RAD51B: variants seen among roughly 807,000 people sequenced by gnomAD.
The protein encoded by RAD51B is RAD51 paralog B, also known as DNA repair protein RAD51 homolog 2.
Under a neutral mutation model 42.2 loss-of-function variants are expected in RAD51B, and 38 were observed. The ratio of observed to expected loss-of-function variants is 0.90; its 90% CI spans 0.70 to 1.18. The LOEUF (loss-of-function observed/expected upper bound fraction) is 1.18. Among genes scored for constraint, RAD51B ranks in the 50% most tolerant of loss-of-function variants. The probability of loss-of-function intolerance (pLI) is 0.00; values close to 1 mark genes in which losing one functional copy is unlikely to be tolerated. For synonymous variants in RAD51B, 154 were observed against 145.2 expected (o/e 1.06, Z -0.43); for missense variants, 373 against 400.7 (o/e 0.93, Z 0.59).
chr14:68,587,474 GC>G (rs1260331252), intron 10 of RAD51B, among the ~76,000 whole-genome samples: 1 of 152,130 alleles, frequency 6.6e-6, no homozygotes, highest in East Asian at 1.9e-4. Context: ...CACAAAGGCA[GC>G]CCCTTGCTTT....
chr14:67,929,210 C>T (rs1205127117), intron 7 of RAD51B, among the ~76,000 whole-genome samples: 1 of 151,892 alleles, frequency 6.6e-6, no homozygotes, highest in Non-Finnish European at 1.5e-5. Flanking sequence ...TTCTGTTTTT[C>T]TGATTTAGGT....
intron 10 of RAD51B, among the ~76,000 whole-genome samples, chr14:68,475,259 T>A (rs572890314): frequency 1.3e-5 from 2 of 152,292 alleles, no homozygotes; most frequent in African/African-American, 4.8e-5. Context: ...TCTGTTATCA[T>A]GAGAAAAGAA....
downstream of RAD51B, among the ~76,000 whole-genome samples, chr14:68,478,260 C>T (rs1027845361): frequency 3.9e-5 from 6 of 151,940 alleles, no homozygotes; most frequent in Non-Finnish European, 7.4e-5. Context: ...CAGATCCAGC[C>T]GAGAAGTGGA....
At chr14:68,426,012 C>T (rs1443110989) in intron 9 of RAD51B, among the ~76,000 whole-genome samples, 2 of 122,332 alleles carry the variant, frequency 1.6e-5, no homozygotes, top group East Asian at 4.4e-4. Flanking sequence ...TCCTTCCTTT[C>T]TTTCTTTCTT....
At chr14:67,868,270 C>T (rs1038409285) in intron 5 of RAD51B, among the ~76,000 whole-genome samples, 1 of 152,174 alleles carries the variant, frequency 6.6e-6, no homozygotes, top group Non-Finnish European at 1.5e-5. Flanking sequence ...TTGCCTCACT[C>T]GGGAAGCGCA....
intron 7 of RAD51B, among the ~76,000 whole-genome samples, chr14:68,029,662 G>C (rs927270915): frequency 6.6e-5 from 10 of 152,098 alleles, no homozygotes; most frequent in African/African-American, 2.4e-4. Context: ...ATGACAGCTG[G>C]AATCTTCTTC....
intron 7 of RAD51B, among the ~76,000 whole-genome samples, chr14:68,047,802 T>C (rs1022729774): frequency 6.6e-6 from 1 of 152,204 alleles, no homozygotes; most frequent in African/African-American, 2.4e-5. Context: ...ATGAAGAAAA[T>C]GCAGACAGCA....
intron 7 of RAD51B, among the ~76,000 whole-genome samples, chr14:68,137,712 C>A (rs923393528): frequency 1.3e-5 from 2 of 152,148 alleles, no homozygotes; most frequent in Non-Finnish European, 2.9e-5. Context: ...GGTGTTCATG[C>A]AATTGCTGAG....
intron 7 of RAD51B, among the ~76,000 whole-genome samples, chr14:68,122,993 A>G (rs573751728): frequency 6.6e-6 from 1 of 152,200 alleles, no homozygotes; most frequent in East Asian, 1.9e-4. Flanking sequence ...ACACACACAC[A>G]CAAATGCATA....
intron 7 of RAD51B, among the ~76,000 whole-genome samples, chr14:68,012,274 G>A (rs1053688167): frequency 2.6e-5 from 4 of 151,980 alleles, no homozygotes; most frequent in South Asian, 2.1e-4. Flanking sequence ...ATAAAGATGG[G>A]TTTATTAATT....
chr14:67,911,470 AGTT>A (rs893053872), intron 7 of RAD51B, among the ~76,000 whole-genome samples: 33 of 151,880 alleles, frequency 2.2e-4, no homozygotes, highest in African/African-American at 7.3e-4. Context: ...GACATTCTGG[AGTT>A]GTTGTTTGTT....
intron 7 of RAD51B, among the ~76,000 whole-genome samples, chr14:68,180,723 C>T (rs953755219): frequency 5.3e-5 from 8 of 152,104 alleles, no homozygotes; most frequent in Admixed American, 6.6e-5. Flanking sequence ...AGAAAGACGG[C>T]GAGCAGATGT....
At chr14:68,504,933 G>GC (rs1208039243) in intron 10 of RAD51B, among the ~76,000 whole-genome samples, 2 of 152,082 alleles carry the variant, frequency 1.3e-5, no homozygotes, top group Non-Finnish European at 2.9e-5. Flanking sequence ...AGAGGCCAGG[G>GC]CGTTTCAGCA....
chr14:68,052,796 GTT>G (rs1160215989), intron 7 of RAD51B, among the ~76,000 whole-genome samples: 1 of 141,384 alleles, frequency 7.1e-6, no homozygotes, highest in African/African-American at 2.6e-5. Context: ...ATTTTTTTGT[GTT>G]TTTTTTTTTT....
intron 7 of RAD51B, among the ~76,000 whole-genome samples, chr14:68,223,311 A>G (rs999127612): frequency 6.6e-6 from 1 of 152,170 alleles, no homozygotes; most frequent in Non-Finnish European, 1.5e-5. Flanking sequence ...TTGATTTAGG[A>G]TATGTATGTT....
chr14:68,352,395 C>G (rs978219911), intron 8 of RAD51B, among the ~76,000 whole-genome samples: 1 of 152,140 alleles, frequency 6.6e-6, no homozygotes, highest in Non-Finnish European at 1.5e-5. Flanking sequence ...ACCAGGCCAC[C>G]CCCTTGCCCA....
chr14:68,012,750 C>T lies in RAD51B; in HGVS notation c.756+125546C>T, dbSNP rs187338955. Among the ~76,000 whole-genome samples the T allele has an allele frequency of 3.9e-5, 6 of 152,224 alleles. No individual in the cohort carries two copies. In the East Asian group the frequency reaches 7.7e-4, roughly 20 times the overall value. On this transcript the variant is annotated intron_variant, in intron 7 of 10. Transcript: ENST00000471583. ...ATAACTTTTTGTGGTGCTTCTTACA[C>T]ATGGAGGACAATAACTGTTTTGTTA...
At chr14:68,248,085 G>A (rs2080538409) in intron 7 of RAD51B, among the ~76,000 whole-genome samples, 1 of 152,152 alleles carries the variant, frequency 6.6e-6, no homozygotes, top group Admixed American at 6.5e-5. Context: ...ACTGAATTGG[G>A]ACTCACACTC....
chr14:68,635,924 G>A (rs558693577), intron 10 of RAD51B, among the ~76,000 whole-genome samples: 1 of 152,146 alleles, frequency 6.6e-6, no homozygotes, highest in South Asian at 2.1e-4. Context: ...ACCTCTCCTT[G>A]CCTTTCCCCT....
Sources: allele counts gnomAD v4.1 joint callset (sites outside exome capture counted in the v4.1 genomes callset), GRCh38; gene constraint gnomAD v4.1.1; transcripts MANE v1.5; gene names NCBI Gene and HGNC (gene_info 2026-07-23, HGNC 2026-07-21).